Variants in PTPRM observed in about 807,000 individuals in gnomAD.
PTPRM encodes the protein protein tyrosine phosphatase receptor type M, also known as receptor-type tyrosine-protein phosphatase mu.
In PTPRM, 47 loss-of-function variants were observed where a neutral mutation model predicts 186.7. That is an observed-to-expected ratio of 0.25 (90% CI 0.20 to 0.32). PTPRM has a LOEUF of 0.32. Ranked by LOEUF, PTPRM falls within the 10% of genes least tolerant of loss-of-function variation. PTPRM has a pLI of 1.00. For synonymous variants in PTPRM, 668 were observed against 674.9 expected (o/e 0.99, Z 0.16); for missense variants, 1,494 against 1,865.0 (o/e 0.80, Z 3.66).
intron 1 of PTPRM, among the ~76,000 whole-genome samples, chr18:7,601,026 C>T (rs749148582): frequency 3.3e-5 from 5 of 152,180 alleles, no homozygotes; most frequent in East Asian, 1.9e-4. Flanking sequence ...GACCGAGCCC[C>T]GGAGCCCCTC....
intron 7 of PTPRM, among the ~76,000 whole-genome samples, chr18:8,000,678 T>C (rs536573158): frequency 1.3e-5 from 2 of 152,334 alleles, no homozygotes; most frequent in Admixed American, 6.5e-5. Context: ...CCTACCTTTT[T>C]TGTGTGTGAT....
intron 2 of PTPRM, among the ~76,000 whole-genome samples, chr18:7,789,187 T>G (rs932497204): frequency 6.6e-6 from 1 of 152,092 alleles, no homozygotes; most frequent in Non-Finnish European, 1.5e-5. Flanking sequence ...TAGTCAGGCA[T>G]GTTGGCACAT....
At chr18:8,359,137 G>T (rs983101453) in intron 23 of PTPRM, among the ~76,000 whole-genome samples, 1 of 152,092 alleles carries the variant, frequency 6.6e-6, no homozygotes, top group Admixed American at 6.5e-5. Flanking sequence ...CTCAAATATC[G>T]ATGAAATACA....
chr18:7,617,123 T>C (rs2037825127), intron 1 of PTPRM, among the ~76,000 whole-genome samples: 2 of 152,192 alleles, frequency 1.3e-5, no homozygotes, highest in South Asian at 4.1e-4. Context: ...CAGGACCCCA[T>C]ACTGTAGCAT....
intron 19 of PTPRM, among the ~76,000 whole-genome samples, chr18:8,276,485 G>T (rs1397028955): frequency 3.3e-5 from 5 of 152,144 alleles, no homozygotes; most frequent in African/African-American, 1.2e-4. Flanking sequence ...TCCTCGTGGT[G>T]GTGGGAAGAG....
chr18:8,039,720 T>C lies in PTPRM; in HGVS notation c.1133-29966T>C, dbSNP rs148264950. On this transcript the variant is annotated intron_variant, in intron 7 of 32. Coordinates refer to ENST00000580170, the MANE Select transcript of PTPRM (RefSeq NM_001105244.2). ...TTTTCAAGTATAGAATACATTGTCA[T>C]TAACTACATTCATCATGTTGTACAG... 6.1e-3 allele frequency among the ~76,000 whole-genome samples: 924 copies of C among 152,306 alleles called. 8 individuals are homozygous for C. Among genetic ancestry groups the C allele is most frequent in the South Asian group, 0.011 (53 of 4,830 alleles).
intron 15 of PTPRM, 42 bp downstream of exon 15, chr18:8,244,251 T>C (rs2094457472): frequency 1.3e-6 from 2 of 1,485,978 alleles, no homozygotes; most frequent in African/African-American, 2.9e-5. Context: ...ATCTCCTTGG[T>C]TTTGCAAGAT....
chr18:7,822,641 C>T (rs1372840742), intron 2 of PTPRM, among the ~76,000 whole-genome samples: 1 of 152,178 alleles, frequency 6.6e-6, no homozygotes, highest in East Asian at 1.9e-4. Flanking sequence ...GCGAGCCAAG[C>T]ATTCTCAAGT....
intron 32 of PTPRM, among the ~76,000 whole-genome samples, chr18:8,397,417 A>G (rs966678150): frequency 6.6e-6 from 1 of 152,272 alleles, no homozygotes; most frequent in Non-Finnish European, 1.5e-5. Context: ...AGGGAGATCC[A>G]GAAAGCCCTC....
intron 19 of PTPRM, among the ~76,000 whole-genome samples, chr18:8,293,358 T>A (rs2095061332): frequency 6.6e-6 from 1 of 152,206 alleles, no homozygotes; most frequent in African/African-American, 2.4e-5. Flanking sequence ...GATGTGAGCA[T>A]CATTCCCCAC....
intron 20 of PTPRM, among the ~76,000 whole-genome samples, chr18:8,297,909 T>C (rs2095114235): frequency 6.6e-6 from 1 of 152,168 alleles, no homozygotes; most frequent in African/African-American, 2.4e-5. Flanking sequence ...TCACAGTCCT[T>C]TGTAGGTAGG....
intron 3 of PTPRM, among the ~76,000 whole-genome samples, chr18:7,903,299 A>G (rs145236822): frequency 0.013 from 1,975 of 152,344 alleles, 20 homozygotes; most frequent in South Asian, 0.033. Flanking sequence ...TTTTCAAAAC[A>G]CATTTTTCTA....
At chr18:7,878,185 G>A (rs1244484491) in intron 2 of PTPRM, among the ~76,000 whole-genome samples, 1 of 152,158 alleles carries the variant, frequency 6.6e-6, no homozygotes, top group Non-Finnish European at 1.5e-5. Context: ...AATGCAGATT[G>A]CTTTTTCATA....
chr18:8,233,181 C>T (rs2094307708), intron 14 of PTPRM, among the ~76,000 whole-genome samples: 1 of 152,192 alleles, frequency 6.6e-6, no homozygotes, highest in South Asian at 2.1e-4. Flanking sequence ...TGCCGGCACA[C>T]TACACACCTT....
intron 1 of PTPRM, among the ~76,000 whole-genome samples, chr18:7,698,802 A>G (rs1377681468): frequency 6.6e-6 from 1 of 152,174 alleles, no homozygotes; most frequent in Non-Finnish European, 1.5e-5. Flanking sequence ...GTTATGTGGT[A>G]TTGTCACATT....
At chr18:8,290,341 T>C (rs2147833915) in intron 19 of PTPRM, among the ~76,000 whole-genome samples, 1 of 152,314 alleles carries the variant, frequency 6.6e-6, no homozygotes, top group East Asian at 1.9e-4. Context: ...CTGCACATTA[T>C]GTACGGCCTT....
chr18:8,251,607 CT>C (rs1180599792), intron 17 of PTPRM: 1 of 152,186 alleles, frequency 6.6e-6, no homozygotes, highest in Admixed American at 6.5e-5. Context: ...GTCTTTGTGT[CT>C]TTAGCCACGT....
At chr18:8,105,974 G>A (rs893652378) in intron 11 of PTPRM, among the ~76,000 whole-genome samples, 1 of 152,202 alleles carries the variant, frequency 6.6e-6, no homozygotes, top group Non-Finnish European at 1.5e-5. Context: ...AAAGAGAGAG[G>A]AGAACAAAGA....
chr18:7,949,678 C>T (rs1333876649), intron 6 of PTPRM, among the ~76,000 whole-genome samples: 2 of 151,978 alleles, frequency 1.3e-5, no homozygotes, highest in Non-Finnish European at 2.9e-5. Context: ...GATGAAAAAT[C>T]ACTTAAAATG....
Sources: gnomAD v4.1 joint callset for allele counts (sites outside exome capture counted in the v4.1 genomes callset) on GRCh38, gnomAD v4.1.1 for gene constraint, MANE v1.5 for transcripts, NCBI Gene and HGNC (gene_info 2026-07-23, HGNC 2026-07-21) for gene names.